The following RSF1 variants were observed in gnomAD, a reference collection of about 807,000 sequenced individuals.
The protein encoded by RSF1 is HBV pX-associated protein 8.
RSF1 carries 13 observed loss-of-function variants against 145.2 expected under a neutral mutation model. That is an observed-to-expected ratio of 0.09 (90% CI 0.06 to 0.14). RSF1 has a LOEUF of 0.14. Among genes scored for constraint, RSF1 ranks in the 10% least tolerant of loss-of-function variants. The pLI is 1.00. For synonymous variants in RSF1, 577 were observed against 592.6 expected (o/e 0.97, Z 0.38); for missense variants, 1,517 against 1,718.2 (o/e 0.88, Z 2.07).
At chr11:77,794,419 A>T (rs1357114639) in intron 1 of RSF1, among the ~76,000 whole-genome samples, 3 of 152,338 alleles carry the variant, frequency 2.0e-5, no homozygotes, top group African/African-American at 4.8e-5. Context: ...CTGGTGGCTC[A>T]TGCCTGTAAT....
the RSF1 span, chr11:77,851,577 A>G: frequency 6.6e-6 from 1 of 151,858 alleles, no homozygotes; most frequent in Admixed American, 6.6e-5. Context: ...GTGGGAGGTA[A>G]TTGGGTCATG....
intron 4 of RSF1, among the ~76,000 whole-genome samples, chr11:77,737,624 GT>G: frequency 2.2e-5 from 1 of 44,920 alleles, no homozygotes; most frequent in African/African-American, 7.5e-5. Context: ...TTTGGGGGGT[GT>G]GTGTGTGTGT....
the RSF1 span, among the ~76,000 whole-genome samples, chr11:77,863,589 A>G: frequency 6.6e-6 from 1 of 152,128 alleles, no homozygotes; most frequent in South Asian, 2.1e-4. Flanking sequence ...GGGTTTCACT[A>G]TGTTGGCCAG....
chr11:77,842,659 T>C, the RSF1 span: 1 of 1,609,152 alleles, frequency 6.2e-7, no homozygotes, highest in South Asian at 1.1e-5. Context: ...TGATACTACA[T>C]GAGGCTGACC....
At chr11:77,870,746 C>T in the RSF1 span, among the ~76,000 whole-genome samples, 2 of 152,164 alleles carry the variant, frequency 1.3e-5, no homozygotes, top group Non-Finnish European at 2.9e-5. Context: ...CCAATCTTCA[C>T]ATTTGATGTA....
intron 1 of RSF1, among the ~76,000 whole-genome samples, chr11:77,781,516 T>C (rs1442334121): frequency 6.6e-6 from 1 of 152,228 alleles, no homozygotes; most frequent in Non-Finnish European, 1.5e-5. Flanking sequence ...AGTTGTGTGG[T>C]AGAGACAGGT....
the RSF1 span, chr11:77,841,044 C>T: frequency 6.9e-6 from 4 of 581,074 alleles, no homozygotes; most frequent in South Asian, 4.6e-5. Flanking sequence ...AGTCCAAGAC[C>T]AGTTGGCTCG....
intron 2 of RSF1, among the ~76,000 whole-genome samples, chr11:77,756,755 G>C (rs1362903508): frequency 6.6e-6 from 1 of 152,222 alleles, no homozygotes; most frequent in Non-Finnish European, 1.5e-5. Context: ...TTTACTTAAA[G>C]AATGAGAGAA....
intron 5 of RSF1, among the ~76,000 whole-genome samples, chr11:77,703,728 C>T (rs1452523850): frequency 6.6e-6 from 1 of 152,156 alleles, no homozygotes; most frequent in East Asian, 1.9e-4. Context: ...TCCTTCTTTA[C>T]AAAGTCAGTG....
intron 1 of RSF1, among the ~76,000 whole-genome samples, chr11:77,772,558 A>G (rs190468046): frequency 2.6e-5 from 4 of 152,150 alleles, no homozygotes; most frequent in African/African-American, 9.6e-5. Context: ...ATTACTAAAA[A>G]CTATGTTATA....
At chr11:77,743,239 T>C (rs986993096) in intron 3 of RSF1, among the ~76,000 whole-genome samples, 1 of 152,212 alleles carries the variant, frequency 6.6e-6, no homozygotes, top group Non-Finnish European at 1.5e-5. Context: ...TGGTTCCATA[T>C]GAATTTTAGG....
At chr11:77,736,855 C>T (rs1478596658) in intron 4 of RSF1, among the ~76,000 whole-genome samples, 1 of 152,186 alleles carries the variant, frequency 6.6e-6, no homozygotes, top group Non-Finnish European at 1.5e-5. Flanking sequence ...TTCACTATTA[C>T]ATCACCAATT....
At chr11:77,801,131 A>C (rs1035212861) in intron 1 of RSF1, among the ~76,000 whole-genome samples, 5 of 152,196 alleles carry the variant, frequency 3.3e-5, no homozygotes, top group Non-Finnish European at 5.9e-5. Flanking sequence ...TGTATATATA[A>C]GAATACATGG....
At chr11:77,752,299 A>G (rs777359418) in intron 2 of RSF1, among the ~76,000 whole-genome samples, 10 of 152,162 alleles carry the variant, frequency 6.6e-5, no homozygotes, top group Non-Finnish European at 1.3e-4. Context: ...CACCATGGAC[A>G]CTCCATCTTC....
chr11:77,846,134 A>C, the RSF1 span, among the ~76,000 whole-genome samples: 1 of 152,028 alleles, frequency 6.6e-6, no homozygotes, highest in East Asian at 1.9e-4. Flanking sequence ...GTGGTTCTAT[A>C]AAGTCTGTAT....
At chr11:77,858,302 C>CTTTTTTTTTTTTTTTTT in the RSF1 span, among the ~76,000 whole-genome samples, 7 of 69,348 alleles carry the variant, frequency 1.0e-4, 1 homozygote, top group African/African-American at 4.3e-4. Context: ...TTAAGCAATT[C>CTTTTTTTTTTTTTTTTT]TTTTTTTTTT....
At position 77,747,027 on chromosome 11, in the gene RSF1, A is replaced by C. The variant is rs746859229; in HGVS notation, c.372+9T>G. 1.3e-6 allele frequency: 2 copies of C among 1,526,932 alleles called. No individual in the cohort carries two copies. The highest frequency in any genetic ancestry group is 2.7e-5 in the African/African-American group (2 of 72,768). The allele number at this position is 1,526,932 out of a possible 1,614,324, so 94.6% of individuals were successfully genotyped here. On this transcript the variant is annotated intron_variant, in intron 3 of 15. Transcript: ENST00000308488. ...TTAAAATAACTGTAACAAATAATAG[A>C]TTTATTACCTTTAAGAGTGCTAGTT... is the stretch of plus-strand genomic sequence containing the variant.
At chr11:77,746,959 T>G (rs978571772) in intron 3 of RSF1, 77 bp downstream of exon 3, 5 of 861,374 alleles carry the variant, frequency 5.8e-6, no homozygotes, top group Non-Finnish European at 7.3e-6. Flanking sequence ...CTACTTTTTG[T>G]TTATTTTCCA....
At chr11:77,862,253 A>G in the RSF1 span, among the ~76,000 whole-genome samples, 3 of 152,134 alleles carry the variant, frequency 2.0e-5, no homozygotes, top group Non-Finnish European at 4.4e-5. Flanking sequence ...GATACCAGAG[A>G]TCGCCAAACT....
Sources: gnomAD v4.1 joint callset for allele counts (sites outside exome capture counted in the v4.1 genomes callset) on GRCh38, gnomAD v4.1.1 for gene constraint, MANE v1.5 for transcripts, NCBI Gene and HGNC (gene_info 2026-07-23, HGNC 2026-07-21) for gene names.